The following SYTL2 variants were observed in gnomAD, a reference collection of about 807,000 sequenced individuals.
SYTL2 encodes the protein synaptotagmin like 2.
A neutral mutation model predicts 198.7 loss-of-function variants in SYTL2; 165 were observed. That is an observed-to-expected ratio of 0.83 (90% confidence interval 0.73 to 0.94). The LOEUF (loss-of-function observed/expected upper bound fraction) is 0.94, where lower values mean the gene tolerates loss of function less well. Ranked by LOEUF, SYTL2 falls within the 40% of genes least tolerant of loss-of-function variation. SYTL2 has a pLI of 0.00. For missense variants in SYTL2, 2,835 were observed against 2,582.8 expected (o/e 1.10, Z -2.12); for synonymous variants, 966 against 917.7 (o/e 1.05, Z -0.95).
chr11:85,700,886 C>T (rs2084188030), intron 16 of SYTL2, among the ~76,000 whole-genome samples: 2 of 152,138 alleles, frequency 1.3e-5, no homozygotes, highest in South Asian at 4.1e-4. Flanking sequence ...GGAGAGGTTT[C>T]TTTGAATGCT....
chr11:85,733,830 A>G (rs2090074848), intron 7 of SYTL2, 109 bp downstream of exon 7: 2 of 790,754 alleles, frequency 2.5e-6, no homozygotes, highest in Non-Finnish European at 4.1e-6. Context: ...CGATCTCCTG[A>G]CCTCATGATC....
chr11:85,704,916 GTTT>G lies in SYTL2; in HGVS notation c.6128_6130del (p.Glu2043_Thr2044delinsAla), dbSNP rs1243141025. 1.9e-6 allele frequency: 3 copies of G among 1,613,614 alleles called. No individual in the cohort carries two copies. Among genetic ancestry groups the G allele is most frequent in the Non-Finnish European group, 2.5e-6 (3 of 1,179,760 alleles). On this transcript the variant is annotated inframe_deletion, in exon 16 of 20. Transcript: ENST00000359152. ...ATTCTGTTTGTTATCCCAGTCCCATGTTTCCAAATCAAGTTCCACCTCCCCTAG... is the reference window on the plus strand; with the variant it reads ...ATTCTGTTTGTTATCCCAGTCCCATGCCAAATCAAGTTCCACCTCCCCTAG...
the SYTL2 span, among the ~76,000 whole-genome samples, chr11:85,842,888 A>T: frequency 1.3e-5 from 2 of 152,242 alleles, no homozygotes; most frequent in African/African-American, 4.8e-5. Flanking sequence ...GGCAGTGAAG[A>T]GAGAGCCTAC....
At chr11:85,837,225 G>C in the SYTL2 span, among the ~76,000 whole-genome samples, 1 of 152,194 alleles carries the variant, frequency 6.6e-6, no homozygotes, top group Non-Finnish European at 1.5e-5. Flanking sequence ...CCCACAATGT[G>C]ATTGTATTTT....
chr11:85,724,614 G>C lies in SYTL2; in HGVS notation c.4744C>G (p.Gln1582Glu). Reference protein sequence around the residue: ...LKEITEAPPYQPQVSVREETH... With the variant: ...LKEITEAPPYEPQVSVREETH... ...TCTTCTCTCACTGACACCTGGGGCTGATAAGGAGGAGCTTCAGTTATTTCT... is the reference window on the plus strand; with the variant it reads ...TCTTCTCTCACTGACACCTGGGGCTCATAAGGAGGAGCTTCAGTTATTTCT... The change falls in exon 8 of 20, where the codon CAG becomes GAG. Residue 1582 changes from glutamine (Q) to glutamate (E), a missense_variant. Transcript: ENST00000359152. The C allele has an allele frequency of 6.2e-7, 1 of 1,613,340 alleles. No individual in the cohort carries two copies. The highest frequency in any genetic ancestry group is 8.5e-7 in the Non-Finnish European group (1 of 1,179,796).
At chr11:85,704,817 A>G in intron 16 of SYTL2, 41 bp downstream of exon 16, 1 of 1,585,590 alleles carries the variant, frequency 6.3e-7, no homozygotes, top group Middle Eastern at 1.7e-4. Flanking sequence ...TAGGTACCAC[A>G]TCAACCAACC....
chr11:85,707,429 C>T lies in SYTL2; in HGVS notation c.6018G>A (p.Arg2006=), dbSNP rs559118650. Residue 2006 remains arginine (R), a splice_region_variant and synonymous_variant, in exon 15 of 20, where the codon CGG becomes CGA. Coordinates refer to ENST00000359152, the MANE Select transcript of SYTL2 (RefSeq NM_206927.4). ...TLNPVYNEIL[R]YKIEKQILKT... is the part of the protein sequence containing the mutation. The stretch of plus-strand genomic sequence containing the variant: ...TCCTATAGAGAGAGTTCATAGATAC[C>T]CGCAGTATTTCGTTATACACAGGAT... 11 of 1,606,188 alleles carry T rather than the reference C, an allele frequency of 6.8e-6. No individual in the cohort carries two copies. In the East Asian group the frequency reaches 1.6e-4, roughly 23 times the overall value.
upstream of SYTL2, among the ~76,000 whole-genome samples, chr11:85,812,621 T>C (rs1447790556): frequency 1.3e-5 from 2 of 152,096 alleles, no homozygotes; most frequent in African/African-American, 4.8e-5. Context: ...CCAAGGTAGG[T>C]CTTGAAGGAG....
intron 9 of SYTL2, among the ~76,000 whole-genome samples, chr11:85,719,637 T>C (rs982907021): frequency 2.0e-5 from 3 of 152,068 alleles, no homozygotes; most frequent in African/African-American, 7.2e-5. Context: ...TGGCCGCCTG[T>C]TGAGGAGGCT....
At chr11:85,718,589 G>A in intron 10 of SYTL2, 1 of 587,652 alleles carries the variant, frequency 1.7e-6, no homozygotes, top group South Asian at 2.1e-5. Flanking sequence ...CCTCATGACA[G>A]TATCACCAGA....
intron 1 of SYTL2, among the ~76,000 whole-genome samples, chr11:85,766,957 C>G (rs767486415): frequency 2.6e-5 from 4 of 152,210 alleles, no homozygotes; most frequent in Non-Finnish European, 5.9e-5. Context: ...GTATTCAAAT[C>G]TGGCTGATCA....
chr11:85,704,923 A>T lies in SYTL2; in HGVS notation c.6124T>A (p.Leu2042Met). ...NSFLGEVELD[L>M]ETWDWDNKQN... ...TTGTTATCCCAGTCCCATGTTTCCA[A>T]ATCAAGTTCCACCTCCCCTAGGAAA... Residue 2042 changes from leucine (L) to methionine (M), a missense_variant, in exon 16 of 20, where the codon TTG (leucine) becomes ATG (methionine). This residue lies in a region of SYTL2 where 2,645 missense variants were observed against 2,381.7 expected (regional missense o/e 1.11). Transcript: ENST00000359152. 6.2e-7 allele frequency: 1 copy of T among 1,613,784 alleles called. No individual in the cohort carries two copies.
chr11:85,795,807 C>G (rs2092795634), intron 1 of SYTL2, among the ~76,000 whole-genome samples: 1 of 151,984 alleles, frequency 6.6e-6, no homozygotes, highest in Non-Finnish European at 1.5e-5. Flanking sequence ...AATCAGCAAA[C>G]TGACAGAGCA....
intron 1 of SYTL2, among the ~76,000 whole-genome samples, chr11:85,763,919 G>A (rs139723789): frequency 6.6e-6 from 1 of 152,324 alleles, no homozygotes; most frequent in African/African-American, 2.4e-5. Context: ...GGAACAAGTT[G>A]AATGTGACAA....
intron 16 of SYTL2, among the ~76,000 whole-genome samples, chr11:85,701,117 TTCTA>T (rs2084232710): frequency 6.6e-6 from 1 of 152,226 alleles, no homozygotes; most frequent in Non-Finnish European, 1.5e-5. Flanking sequence ...TTTTTTAAAC[TTCTA>T]TCTGTTATTT....
chr11:85,786,749 C>A (rs1199091461), intron 1 of SYTL2, among the ~76,000 whole-genome samples: 1 of 152,094 alleles, frequency 6.6e-6, no homozygotes, highest in Non-Finnish European at 1.5e-5. Context: ...ACTTCCAATG[C>A]ACCAATTGTT....
chr11:85,734,419 C>G lies in SYTL2; in HGVS notation c.910G>C (p.Gly304Arg). Residue 304 changes from glycine to arginine, a missense_variant, in exon 7 of 20, where the codon GGC becomes CGC. Physicochemically the swap from Gly to Arg is moderately radical, Grantham distance 125. Around this residue, in one of 3 missense-constraint regions of SYTL2, gnomAD observed 2,645 missense variants for 2,381.7 expected, o/e 1.11. Transcript: ENST00000359152. ...GAAATTCTCTCATGGATGGTTAGGC[C>G]AGGTGACACAATTTTGCTTTTGGGT... is the stretch of plus-strand genomic sequence containing the variant. ...FEPKSKIVSP[G>R]LTIHERISEK... 6.2e-7 allele frequency: 1 copy of G among 1,614,128 alleles called. No individual in the cohort carries two copies. Among genetic ancestry groups the G allele is most frequent in the Non-Finnish European group, 8.5e-7 (1 of 1,180,016 alleles).
At chr11:85,845,199 T>C in the SYTL2 span, among the ~76,000 whole-genome samples, 1 of 152,202 alleles carries the variant, frequency 6.6e-6, no homozygotes, top group Non-Finnish European at 1.5e-5. Flanking sequence ...TTCTGGAAAG[T>C]ATCCAACTGT....
At chr11:85,755,884 C>T (rs1429917195) in intron 2 of SYTL2, among the ~76,000 whole-genome samples, 5 of 152,124 alleles carry the variant, frequency 3.3e-5, no homozygotes, top group African/African-American at 1.2e-4. Flanking sequence ...AAGGTACTTG[C>T]ACCTCTCCAA....
Sources: gnomAD v4.1 joint callset for allele counts (sites outside exome capture counted in the v4.1 genomes callset) on GRCh38, gnomAD v4.1.1 for gene constraint, gnomAD v4.1.1 regional missense constraint, MANE v1.5 for transcripts, NCBI Gene and HGNC (gene_info 2026-07-23, HGNC 2026-07-21) for gene names.